Variants in DOCK4 observed in about 807,000 individuals in gnomAD.
The protein encoded by DOCK4 is dedicator of cytokinesis protein 4.
DOCK4 carries 97 observed loss-of-function variants against 268.1 expected under a neutral mutation model. The observed-to-expected ratio is 0.36, with a 90% CI of 0.31 to 0.43. The LOEUF is 0.43. Among genes scored for constraint, DOCK4 ranks in the 20% least tolerant of loss-of-function variants. The probability of loss-of-function intolerance (pLI) is 1.00; values close to 1 mark genes in which losing one functional copy is unlikely to be tolerated. For missense variants in DOCK4, 2,145 were observed against 2,455.7 expected (o/e 0.87, Z 2.67); for synonymous variants, 954 against 887.2 (o/e 1.08, Z -1.34).
Position 111,868,078 on chromosome 7 carries a change from T to C in DOCK4, c.2186A>G (p.Glu729Gly). ...CTCCTGAATGCAGCAGCGGAACTCC[T>C]CTTCGTTTTGCCCACCAGTGGCAAG... is the stretch of plus-strand genomic sequence containing the variant. ...FSLATGGQNE[E>G]EFRCCIQELL... is the part of the protein sequence containing the mutation. The change falls in exon 22 of 53, where the codon GAG becomes GGG. Residue 729 changes from glutamate to glycine, a missense_variant. Transcript: ENST00000428084. 6.2e-7 allele frequency: 1 copy of C among 1,613,762 alleles called. No homozygotes were observed. The highest frequency in any genetic ancestry group is 8.5e-7 in the Non-Finnish European group (1 of 1,179,778).
chr7:112,012,574 G>T (rs148579308), intron 1 of DOCK4, among the ~76,000 whole-genome samples: 2 of 152,192 alleles, frequency 1.3e-5, no homozygotes, highest in African/African-American at 4.8e-5. Context: ...GAAGGCAACT[G>T]CTTTTCCCAC....
Position 111,728,149 on chromosome 7 carries a change from G to C in DOCK4, c.*125C>G. ...GTGCAACATGATATTTAATAAGCAA[G>C]TTTTAATTCCATTCATCGAAGGAGC... On this transcript the variant is annotated 3_prime_UTR_variant, in exon 53 of 53. Transcript: ENST00000428084. 1 of 708,738 alleles carries C rather than the reference G, an allele frequency of 1.4e-6. No individual in the cohort carries two copies. The highest frequency in any genetic ancestry group is 2.0e-6 in the Non-Finnish European group (1 of 497,720). The allele number at this position is 708,738 out of a possible 1,614,324, so 43.9% of individuals were successfully genotyped here.
intron 50 of DOCK4, among the ~76,000 whole-genome samples, 164 bp from the exon 51 acceptor site, chr7:111,735,331 A>C (rs1248698389): frequency 6.6e-6 from 1 of 152,240 alleles, no homozygotes; most frequent in Non-Finnish European, 1.5e-5. Context: ...TTGGCTGCCT[A>C]ACAGTTATAG....
intron 1 of DOCK4, among the ~76,000 whole-genome samples, chr7:112,016,228 T>C (rs1435435845): frequency 1.3e-5 from 2 of 152,256 alleles, no homozygotes; most frequent in Non-Finnish European, 2.9e-5. Flanking sequence ...TTGTCTTTCA[T>C]GACTTTGGCT....
At chr7:112,182,481 G>A (rs903359627) in intron 1 of DOCK4, among the ~76,000 whole-genome samples, 3 of 152,154 alleles carry the variant, frequency 2.0e-5, no homozygotes, top group Admixed American at 2.0e-4. Flanking sequence ...GCTAATGATC[G>A]ATTTCAGGAA....
intron 16 of DOCK4, among the ~76,000 whole-genome samples, chr7:111,891,113 A>G (rs529963100): frequency 5.9e-5 from 9 of 152,286 alleles, no homozygotes; most frequent in Admixed American, 3.9e-4. Flanking sequence ...CACTTACATA[A>G]AAGTCCAGAA....
At chr7:112,002,497 G>A (rs913064586) in intron 2 of DOCK4, among the ~76,000 whole-genome samples, 4 of 152,096 alleles carry the variant, frequency 2.6e-5, no homozygotes, top group African/African-American at 9.7e-5. Context: ...AATAACACAG[G>A]AAATCTTATT....
chr7:111,747,030 G>A (rs1796322542), intron 43 of DOCK4, among the ~76,000 whole-genome samples: 1 of 151,962 alleles, frequency 6.6e-6, no homozygotes, highest in Non-Finnish European at 1.5e-5. Context: ...TTTTATTCAT[G>A]CAAGAATGAA....
At chr7:112,193,839 C>A (rs1820185157) in intron 1 of DOCK4, among the ~76,000 whole-genome samples, 1 of 151,876 alleles carries the variant, frequency 6.6e-6, no homozygotes, top group Non-Finnish European at 1.5e-5. Context: ...CATGGAAGTC[C>A]CAAATCAAGG....
chr7:112,063,084 T>C (rs60550897), intron 1 of DOCK4, among the ~76,000 whole-genome samples: 4,586 of 151,896 alleles, frequency 0.03, 246 homozygotes, highest in African/African-American at 0.1. Flanking sequence ...TCAGGTAGAG[T>C]CCTCCTGAAA....
chr7:111,759,626 C>T (rs1797251468), intron 40 of DOCK4, among the ~76,000 whole-genome samples: 1 of 152,176 alleles, frequency 6.6e-6, no homozygotes, highest in South Asian at 2.1e-4. Flanking sequence ...TTGTCTCTAA[C>T]ACCTATATAA....
chr7:111,995,802 T>A (rs1464660119), intron 4 of DOCK4, among the ~76,000 whole-genome samples: 1 of 152,226 alleles, frequency 6.6e-6, no homozygotes, highest in Non-Finnish European at 1.5e-5. Flanking sequence ...CATTTCGCAG[T>A]GCTGCTAAAA....
chr7:111,976,140 CAAAAA>C lies in DOCK4; in HGVS notation c.701+987_701+991del, dbSNP rs1166982968. 5.2e-3 allele frequency among the ~76,000 whole-genome samples: 150 copies of C among 28,886 alleles called. 5 individuals carry two copies. Among genetic ancestry groups the C allele is most frequent in the East Asian group, 7.9e-3 (6 of 756 alleles). The allele number at this position is 28,886 out of a possible 152,430, so 19.0% of individuals were successfully genotyped here. A position where few individuals can be genotyped will look rare whatever the true frequency, so the allele number is the denominator to read the frequency against. ...TGGGTGACAGAGCAAGACTCCATCT[CAAAAA>C]AAAAAAAAAAAAAAAAATATATATA... On this transcript the variant is annotated intron_variant, in intron 8 of 52. Transcript: ENST00000428084.
At chr7:112,106,414 G>A (rs558963970) in intron 1 of DOCK4, among the ~76,000 whole-genome samples, 8 of 152,292 alleles carry the variant, frequency 5.3e-5, no homozygotes, top group East Asian at 3.9e-4. Flanking sequence ...ACACACAGAG[G>A]TGGGGTGCTA....
rs763294109 is a variant in DOCK4, at chr7:111,863,472, C to T, written c.2373G>A (p.Leu791=). ...CATGCAGGATGGTCGGCAGACTGCC[C>T]AGGGTGTCCTGGACCAAGTTGGCTA... The part of the protein sequence containing the change: ...REVANLVQDT[L]GSLPTILHVD... Residue 791 remains leucine (L), a synonymous_variant, in exon 23 of 53, where the codon CTG becomes CTA. Transcript: ENST00000428084. 6.2e-7 allele frequency: 1 copy of T among 1,613,958 alleles called. No individual in the cohort carries two copies. Among genetic ancestry groups the T allele is most frequent in the Non-Finnish European group, 8.5e-7 (1 of 1,179,880 alleles).
chr7:111,948,086 G>T (rs984355011), intron 8 of DOCK4, among the ~76,000 whole-genome samples: 1 of 151,988 alleles, frequency 6.6e-6, no homozygotes, highest in African/African-American at 2.4e-5. Flanking sequence ...TGGGACAAAG[G>T]AATTATACTT....
intron 26 of DOCK4, among the ~76,000 whole-genome samples, chr7:111,822,712 C>T (rs1234257267): frequency 6.6e-6 from 1 of 152,120 alleles, no homozygotes; most frequent in Non-Finnish European, 1.5e-5. Context: ...CAGGTTCTAA[C>T]AATTTAGGGT....
intron 13 of DOCK4, among the ~76,000 whole-genome samples, chr7:111,906,664 G>A (rs899425041): frequency 6.6e-6 from 1 of 152,104 alleles, no homozygotes; most frequent in Admixed American, 6.5e-5. Flanking sequence ...GAGATAGGGA[G>A]ATTTTCTTGG....
chr7:111,946,246 T>G (rs1252854410), intron 8 of DOCK4, among the ~76,000 whole-genome samples: 2 of 152,234 alleles, frequency 1.3e-5, no homozygotes, highest in Non-Finnish European at 2.9e-5. Flanking sequence ...TATTTTATGG[T>G]CTTATAAGTC....
Sources: allele counts gnomAD v4.1 joint callset (sites outside exome capture counted in the v4.1 genomes callset), GRCh38; gene constraint gnomAD v4.1.1; transcripts MANE v1.5; gene names NCBI Gene and HGNC (gene_info 2026-07-23, HGNC 2026-07-21).